Variants in HOMER2 observed in about 807,000 individuals in gnomAD.
HOMER2 encodes the protein homer scaffold protein 2.
Under a neutral mutation model 47.0 loss-of-function variants are expected in HOMER2, and 27 were observed. That is an observed-to-expected ratio of 0.57 (90% CI 0.42 to 0.79). The LOEUF (loss-of-function observed/expected upper bound fraction) is 0.79, where lower values mean the gene tolerates loss of function less well. Among genes scored for constraint, HOMER2 ranks in the 30% least tolerant of loss-of-function variants. The pLI is 0.00. For synonymous variants in HOMER2, 161 were observed against 163.8 expected (o/e 0.98, Z 0.13); for missense variants, 443 against 435.0 (o/e 1.02, Z -0.16).
upstream of HOMER2, among the ~76,000 whole-genome samples, chr15:82,954,679 A>G (rs1329418978): frequency 6.6e-6 from 1 of 152,022 alleles, no homozygotes; most frequent in East Asian, 1.9e-4. Flanking sequence ...GCACATACAT[A>G]CTATGTCTAT....
intron 6 of HOMER2, among the ~76,000 whole-genome samples, chr15:82,853,188 T>C (rs546482494): frequency 6.6e-6 from 1 of 152,314 alleles, no homozygotes; most frequent in African/African-American, 2.4e-5. Context: ...GGAGGCAAGC[T>C]TGTGAGATGT....
At chr15:82,834,962 T>C (rs2051108206), downstream of HOMER2, 1 of 152,188 alleles carries the variant, frequency 6.6e-6, no homozygotes, top group South Asian at 2.1e-4. Context: ...GGGAAGGGAC[T>C]GATGCAAAGC....
intron 2 of HOMER2, among the ~76,000 whole-genome samples, chr15:82,882,618 C>T (rs114301152): frequency 6.6e-6 from 1 of 152,236 alleles, no homozygotes; most frequent in Admixed American, 6.5e-5. Flanking sequence ...GAGTACAGAT[C>T]TTCCTGAGAT....
intron 1 of HOMER2, among the ~76,000 whole-genome samples, chr15:82,971,256 A>G (rs1161118021): frequency 6.6e-6 from 1 of 152,130 alleles, no homozygotes; most frequent in Non-Finnish European, 1.5e-5. Context: ...GGGGGTAGGG[A>G]AGAGGAAGCT....
intron 6 of HOMER2, among the ~76,000 whole-genome samples, chr15:82,853,490 C>T (rs972002878): frequency 6.6e-6 from 1 of 152,100 alleles, no homozygotes; most frequent in African/African-American, 2.4e-5. Context: ...GACAGTGTGA[C>T]AGAGGGCTGG....
At chr15:82,942,199 T>C (rs2054280454) in intron 1 of HOMER2, among the ~76,000 whole-genome samples, 2 of 152,230 alleles carry the variant, frequency 1.3e-5, no homozygotes, top group South Asian at 4.1e-4. Flanking sequence ...TTCATTGCCC[T>C]AATTACCTGC....
downstream of HOMER2, chr15:82,846,527 T>G (rs2051250166): frequency 1.3e-5 from 2 of 152,256 alleles, no homozygotes; most frequent in South Asian, 2.1e-4. Context: ...GGGACTAGAG[T>G]GGCATGTCTC....
intron 1 of HOMER2, among the ~76,000 whole-genome samples, chr15:82,940,557 C>T (rs1404765042): frequency 1.3e-5 from 2 of 152,160 alleles, no homozygotes; most frequent in Admixed American, 6.5e-5. Context: ...TCCTGGCTAA[C>T]ACAGTGAAAC....
At chr15:82,963,356 C>G (rs1035691197) in intron 1 of HOMER2, among the ~76,000 whole-genome samples, 1 of 152,068 alleles carries the variant, frequency 6.6e-6, no homozygotes, top group Non-Finnish European at 1.5e-5. Flanking sequence ...CCTCGAAGTG[C>G]TGGGATTACA....
chr15:82,866,911 A>G (rs1028235427), intron 3 of HOMER2, among the ~76,000 whole-genome samples: 3 of 151,998 alleles, frequency 2.0e-5, no homozygotes, highest in Non-Finnish European at 4.4e-5. Context: ...GGACTAATAT[A>G]CCCTATCAGA....
In HOMER2 at chr15:82,849,508, TCCAGTTGTCCA is replaced by T; in HGVS notation, c.*196_*206del. ...GTTCTGGATTCCTGAGTCAGAATCTTCCAGTTGTCCACAACCTCACAAGGCCAGAGAAGCGA... is the reference window on the plus strand; with the variant it reads ...GTTCTGGATTCCTGAGTCAGAATCTTCAACCTCACAAGGCCAGAGAAGCGA... On this transcript the variant is annotated 3_prime_UTR_variant, in exon 9 of 9. Transcript: ENST00000450735. 1.8e-6 allele frequency: 1 copy of T among 570,744 alleles called. No homozygotes were observed. The highest frequency in any genetic ancestry group is 2.8e-5 in the East Asian group (1 of 35,164). The allele number at this position is 570,744 out of a possible 1,614,324, so 35.4% of individuals were successfully genotyped here.
intron 1 of HOMER2, among the ~76,000 whole-genome samples, chr15:82,936,877 A>G (rs1277851204): frequency 6.6e-6 from 1 of 152,084 alleles, no homozygotes; most frequent in Non-Finnish European, 1.5e-5. Flanking sequence ...TATTAGACAG[A>G]GCTGGTCTGG....
chr15:82,934,869 C>T (rs949575609), intron 1 of HOMER2, among the ~76,000 whole-genome samples: 11 of 152,254 alleles, frequency 7.2e-5, no homozygotes, highest in Admixed American at 7.2e-4. Flanking sequence ...AATTTCACAT[C>T]ACCTTCTCCT....
At chr15:82,851,463 C>T (rs1189239828) in intron 7 of HOMER2, among the ~76,000 whole-genome samples, 1 of 152,156 alleles carries the variant, frequency 6.6e-6, no homozygotes, top group East Asian at 1.9e-4. Flanking sequence ...GATGTTTTTC[C>T]GATTTCTGTT....
intron 4 of HOMER2, among the ~76,000 whole-genome samples, chr15:82,863,415 C>A (rs760358581): frequency 1.1e-4 from 17 of 152,196 alleles, no homozygotes; most frequent in Non-Finnish European, 2.4e-4. Flanking sequence ...ATGAAGAATT[C>A]TAGGTCTTCA....
intron 1 of HOMER2, among the ~76,000 whole-genome samples, chr15:82,935,160 C>T (rs899764015): frequency 2.2e-4 from 33 of 152,200 alleles, no homozygotes; most frequent in Non-Finnish European, 4.7e-4. Flanking sequence ...CGCACCTGCG[C>T]CCTCTCATGT....
chr15:82,926,949 T>C (rs1022791558), intron 1 of HOMER2, among the ~76,000 whole-genome samples: 12 of 152,122 alleles, frequency 7.9e-5, no homozygotes, highest in African/African-American at 2.9e-4. Context: ...TCATTACAAA[T>C]TACCCAGACT....
At chr15:82,974,360 C>T (rs113535496) in intron 1 of HOMER2, among the ~76,000 whole-genome samples, 351 of 151,002 alleles carry the variant, frequency 2.3e-3, no homozygotes, top group African/African-American at 7.6e-3. Flanking sequence ...GCCGAGATCG[C>T]GCCATTGCAC....
intron 1 of HOMER2, among the ~76,000 whole-genome samples, chr15:82,919,007 G>A (rs997983162): frequency 1.6e-4 from 24 of 152,174 alleles, no homozygotes; most frequent in African/African-American, 5.8e-4. Context: ...ACTTGTCCTG[G>A]GAAGAAGTAG....
Sources: allele counts gnomAD v4.1 joint callset (sites outside exome capture counted in the v4.1 genomes callset), GRCh38; gene constraint gnomAD v4.1.1; transcripts MANE v1.5; gene names NCBI Gene and HGNC (gene_info 2026-07-23, HGNC 2026-07-21).